The following SLCO1B3 variants were observed in gnomAD, a reference collection of about 807,000 sequenced individuals.
The protein encoded by SLCO1B3 is liver-specific organic anion transporter 2.
SLCO1B3 carries 72 observed loss-of-function variants against 71.8 expected under a neutral mutation model. The ratio of observed to expected loss-of-function variants is 1.00; its 90% CI spans 0.83 to 1.22. SLCO1B3 has a LOEUF of 1.22. Ranked by LOEUF, SLCO1B3 falls within the 50% of genes most tolerant of loss-of-function variation. The pLI is 0.00. For missense variants in SLCO1B3, 911 were observed against 819.7 expected (o/e 1.11, Z -1.36); for synonymous variants, 298 against 278.4 (o/e 1.07, Z -0.70).
chr12:20,861,587 A>G (rs1478424390), intron 6 of SLCO1B3, among the ~76,000 whole-genome samples: 1 of 152,186 alleles, frequency 6.6e-6, no homozygotes, highest in Admixed American at 6.6e-5. Flanking sequence ...CACATTTAAA[A>G]TAAAAAAGCA....
intron 12 of SLCO1B3, among the ~76,000 whole-genome samples, 191 bp downstream of exon 12, chr12:20,881,211 A>G (rs1865688371): frequency 6.6e-6 from 1 of 152,184 alleles, no homozygotes; most frequent in South Asian, 2.1e-4. Context: ...TGCTTAGGAC[A>G]CAATCAGACT....
intron 3 of SLCO1B3, among the ~76,000 whole-genome samples, chr12:20,831,178 G>A (rs1156566211): frequency 6.6e-6 from 1 of 151,986 alleles, no homozygotes; most frequent in Non-Finnish European, 1.5e-5. Flanking sequence ...CCAGTATGAT[G>A]AAACCCTGTC....
At chr12:20,895,598 C>T (rs1196842636) in intron 13 of SLCO1B3, among the ~76,000 whole-genome samples, 1 of 152,080 alleles carries the variant, frequency 6.6e-6, no homozygotes, top group Non-Finnish European at 1.5e-5. Context: ...TGTGGCTTTG[C>T]AGGGTATAGC....
At chr12:20,857,644 T>C (rs1865167775) in intron 4 of SLCO1B3, among the ~76,000 whole-genome samples, 1 of 152,110 alleles carries the variant, frequency 6.6e-6, no homozygotes, top group Non-Finnish European at 1.5e-5. Context: ...AGGATTTTTT[T>C]TAAAAAAAGT....
At chr12:20,813,201 A>T (rs1565573940) in intron 1 of SLCO1B3, among the ~76,000 whole-genome samples, 1 of 152,216 alleles carries the variant, frequency 6.6e-6, no homozygotes, top group Non-Finnish European at 1.5e-5. Context: ...AATATGCATG[A>T]TATATATTTA....
intron 3 of SLCO1B3, among the ~76,000 whole-genome samples, chr12:20,841,791 T>G (rs1284807237): frequency 6.6e-6 from 1 of 152,152 alleles, no homozygotes; most frequent in Non-Finnish European, 1.5e-5. Flanking sequence ...TGTGTACTGT[T>G]GGGATTTTTT....
chr12:20,847,902 A>T (rs1480237003), intron 3 of SLCO1B3, among the ~76,000 whole-genome samples: 1 of 151,980 alleles, frequency 6.6e-6, no homozygotes, highest in Non-Finnish European at 1.5e-5. Context: ...AGCTTAAGGA[A>T]CTCCAAGTAA....
chr12:20,869,768 T>A (rs1488710533), intron 8 of SLCO1B3, among the ~76,000 whole-genome samples: 1 of 152,224 alleles, frequency 6.6e-6, no homozygotes, highest in Non-Finnish European at 1.5e-5. Context: ...ACATTTAGAC[T>A]GCTGTGAAGA....
chr12:20,861,003 T>C lies in SLCO1B3; in HGVS notation c.360-14T>C. On this transcript the variant is annotated splice_polypyrimidine_tract_variant and intron_variant, in intron 5 of 15. Transcript: ENST00000381545. ...TAGATAAGCAAAATGTTCAATTTCA[T>C]GTTGCTCTTACAGTTATAGGTATTC... The C allele has an allele frequency of 6.4e-7, 1 of 1,551,758 alleles. No homozygotes were observed. Among genetic ancestry groups the C allele is most frequent in the Non-Finnish European group, 8.7e-7 (1 of 1,145,282 alleles).
chr12:20,833,973 A>G (rs1407758952), intron 3 of SLCO1B3, among the ~76,000 whole-genome samples: 4 of 117,354 alleles, frequency 3.4e-5, no homozygotes, highest in Non-Finnish European at 7.7e-5. Context: ...ATGTATATAC[A>G]TACATAGTAA....
intron 13 of SLCO1B3, among the ~76,000 whole-genome samples, chr12:20,895,681 G>A (rs868149253): frequency 6.6e-6 from 1 of 152,080 alleles, no homozygotes. Context: ...GCAAGCTGTC[G>A]GTGGATCTAC....
At chr12:20,880,829 G>GA in intron 11 of SLCO1B3, 26 bp from the exon 12 acceptor site, 1 of 1,463,816 alleles carries the variant, frequency 6.8e-7, no homozygotes, top group East Asian at 2.4e-5. Context: ...CTCTTTTTTT[G>GA]ATATATTTCT....
intron 5 of SLCO1B3, 31 bp from the exon 6 acceptor site, chr12:20,860,986 C>G (rs770398819): frequency 6.5e-7 from 1 of 1,536,200 alleles, no homozygotes; most frequent in Middle Eastern, 1.9e-4. Flanking sequence ...AGTAGATAAG[C>G]AAAATGTTCA....
intron 10 of SLCO1B3, 140 bp from the exon 11 acceptor site, chr12:20,879,296 C>T: frequency 1.9e-6 from 1 of 525,088 alleles, no homozygotes; most frequent in Admixed American, 4.0e-5. Flanking sequence ...GCAAGCTCCG[C>T]CTCCCAGGTT....
chr12:20,845,960 AATC>A (rs1300766381), intron 3 of SLCO1B3, among the ~76,000 whole-genome samples: 1 of 132,940 alleles, frequency 7.5e-6, no homozygotes, highest in Non-Finnish European at 1.6e-5. Context: ...ATCATTATAT[AATC>A]ATCTTCCTTG....
intron 1 of SLCO1B3, among the ~76,000 whole-genome samples, chr12:20,811,001 A>G (rs1315158435): frequency 6.6e-6 from 1 of 152,176 alleles, no homozygotes; most frequent in Non-Finnish European, 1.5e-5. Flanking sequence ...TAAAGTGAAA[A>G]ATAAAGTTTG....
intron 12 of SLCO1B3, among the ~76,000 whole-genome samples, chr12:20,883,048 G>A (rs4149150): frequency 0.72 from 109,965 of 151,878 alleles, 42,392 homozygotes; most frequent in South Asian, 0.9. Context: ...GAGTGGCTAA[G>A]TTTTGTCCCG....
intron 3 of SLCO1B3, 59 bp downstream of exon 3, chr12:20,815,881 G>C (rs1319966632): frequency 5.7e-6 from 6 of 1,061,704 alleles, no homozygotes. Context: ...TTTATGTATA[G>C]AAAGGCCACT....
At chr12:20,860,521 CGTT>C (rs1565592484) in intron 5 of SLCO1B3, among the ~76,000 whole-genome samples, 2 of 151,294 alleles carry the variant, frequency 1.3e-5, no homozygotes, top group South Asian at 2.1e-4. Flanking sequence ...GCTCCATCTC[CGTT>C]GTTCTTATTT....
Sources: allele counts gnomAD v4.1 joint callset (sites outside exome capture counted in the v4.1 genomes callset), GRCh38; gene constraint gnomAD v4.1.1; transcripts MANE v1.5; gene names NCBI Gene and HGNC (gene_info 2026-07-23, HGNC 2026-07-21).